NEK6: variants seen among roughly 807,000 people sequenced by gnomAD.
NEK6 encodes serine/threonine-protein kinase Nek6.
Under a neutral mutation model 43.5 loss-of-function variants are expected in NEK6, and 27 were observed. The ratio of observed to expected loss-of-function variants is 0.62; its 90% CI spans 0.46 to 0.86. NEK6 has a LOEUF of 0.86. Ranked by LOEUF, NEK6 falls within the 40% of genes least tolerant of loss-of-function variation. The pLI is 0.00. For missense variants in NEK6, 318 were observed against 414.4 expected (o/e 0.77, Z 2.02); for synonymous variants, 167 against 164.1 (o/e 1.02, Z -0.14).
At chr9:124,292,658 C>T (rs904584058) in intron 1 of NEK6, 7 of 1,373,606 alleles carry the variant, frequency 5.1e-6, no homozygotes, top group Non-Finnish European at 6.9e-6. Context: ...CATCCCTTCC[C>T]TTAAGCCCCA....
At position 124,347,832 on chromosome 9, in the gene NEK6, C is replaced by T; in HGVS notation, c.831+10C>T. The stretch of plus-strand genomic sequence containing the variant: ...GCACTACTCCGAGAAGGTGAGTTTG[C>T]AGGAGCCGGAGGCCTCGCCAGCCCC... On this transcript the variant is annotated intron_variant, in intron 9 of 9. Coordinates refer to ENST00000320246, the MANE Select transcript of NEK6 (RefSeq NM_014397.6). The T allele has an allele frequency of 1.9e-6, 3 of 1,585,452 alleles. No homozygotes were observed. Among genetic ancestry groups the T allele is most frequent in the Non-Finnish European group, 2.6e-6 (3 of 1,155,976 alleles).
chr9:124,272,089 A>G (rs1831462128), intron 1 of NEK6, among the ~76,000 whole-genome samples: 1 of 152,206 alleles, frequency 6.6e-6, no homozygotes, highest in South Asian at 2.1e-4. Flanking sequence ...GTAAGGGTGT[A>G]TAGTCCTCAG....
At chr9:124,320,169 T>C (rs1833996493) in intron 4 of NEK6, among the ~76,000 whole-genome samples, 1 of 152,152 alleles carries the variant, frequency 6.6e-6, no homozygotes, top group African/African-American at 2.4e-5. Flanking sequence ...CACACCCACC[T>C]CAGGGCCAGA....
At chr9:124,327,832 T>C (rs1828738679) in intron 7 of NEK6, among the ~76,000 whole-genome samples, 1 of 152,176 alleles carries the variant, frequency 6.6e-6, no homozygotes, top group Non-Finnish European at 1.5e-5. Context: ...GTTTCTGGCT[T>C]TTAAACTGGC....
Position 124,258,088 on chromosome 9 carries a change from G to A in NEK6, c.-30+3G>A, listed in dbSNP as rs1244249935. The A allele has an allele frequency of 2.0e-5, 20 of 979,216 alleles. No homozygotes were observed. The highest frequency in any genetic ancestry group is 2.2e-5 in the Non-Finnish European group (18 of 827,596). 60.7% of individuals were successfully genotyped at this position (979,216 alleles called of 1,614,324 possible). A position where few individuals can be genotyped will look rare whatever the true frequency, so the allele number is the denominator to read the frequency against. On this transcript the variant is annotated splice_donor_region_variant and intron_variant, in intron 1 of 9. Transcript: ENST00000320246. ...CAGCCGAGCCCGCCCGCGCGCCGGT[G>A]AGTCGCCTGGGGCTGGGGCCGGGCC...
chr9:124,295,302 C>T (rs944731255), intron 1 of NEK6, among the ~76,000 whole-genome samples: 7 of 152,228 alleles, frequency 4.6e-5, no homozygotes, highest in Admixed American at 3.3e-4. Context: ...GGAAACCAGA[C>T]TCCATCTGTG....
intron 1 of NEK6, among the ~76,000 whole-genome samples, chr9:124,270,431 A>C (rs1831393451): frequency 6.6e-6 from 1 of 152,206 alleles, no homozygotes; most frequent in South Asian, 2.1e-4. Flanking sequence ...GGGAAGGGTC[A>C]GAAGTCCATG....
chr9:124,346,944 G>C (rs1465153714), intron 8 of NEK6, among the ~76,000 whole-genome samples: 2 of 152,216 alleles, frequency 1.3e-5, no homozygotes, highest in Non-Finnish European at 2.9e-5. Flanking sequence ...CCCAAGCCTC[G>C]CCACAGGCCT....
chr9:124,303,472 A>C (rs1833098510), intron 2 of NEK6, among the ~76,000 whole-genome samples: 2 of 152,208 alleles, frequency 1.3e-5, no homozygotes, highest in Admixed American at 1.3e-4. Context: ...CTGTGCTTGC[A>C]TTATCACCAA....
Position 124,289,655 on chromosome 9 carries a change from C to T in NEK6, c.-29-12281C>T, listed in dbSNP as rs184537797. Among the ~76,000 whole-genome samples the T allele has an allele frequency of 2.1e-3, 316 of 152,256 alleles. 2 individuals are homozygous for T. Among genetic ancestry groups the T allele is most frequent in the Non-Finnish European group, 3.2e-3 (217 of 68,018 alleles). ...ACAAATTCCCTTAGCAATTCCAGAC[C>T]GAAAAGATCTGGTTTTCTAGTGCCC... On this transcript the variant is annotated intron_variant, in intron 1 of 9. Transcript: ENST00000320246.
At chr9:124,339,485 C>T (rs1004676196) in intron 7 of NEK6, 86 bp from the exon 8 acceptor site, 21 of 897,466 alleles carry the variant, frequency 2.3e-5, no homozygotes, top group Admixed American at 5.2e-5. Flanking sequence ...CCCCAGCTCC[C>T]GTGTGCCCTC....
chr9:124,309,291 C>T (rs1019675249), intron 2 of NEK6, among the ~76,000 whole-genome samples: 3 of 152,338 alleles, frequency 2.0e-5, no homozygotes, highest in East Asian at 1.9e-4. Flanking sequence ...CATCCATATG[C>T]GTGTGAGCAG....
At chr9:124,288,139 C>G (rs927158003) in intron 1 of NEK6, among the ~76,000 whole-genome samples, 1 of 152,234 alleles carries the variant, frequency 6.6e-6, no homozygotes, top group Non-Finnish European at 1.5e-5. Context: ...GGCCCAAAGG[C>G]CTGGTGTCCA....
At chr9:124,272,441 G>C (rs937650024) in intron 1 of NEK6, among the ~76,000 whole-genome samples, 4 of 152,252 alleles carry the variant, frequency 2.6e-5, no homozygotes, top group Non-Finnish European at 5.9e-5. Context: ...AGGTAGCTGG[G>C]ACAGCGTGGT....
At chr9:124,333,667 T>G (rs1269044601) in intron 7 of NEK6, among the ~76,000 whole-genome samples, 1 of 152,148 alleles carries the variant, frequency 6.6e-6, no homozygotes, top group African/African-American at 2.4e-5. Context: ...AGGGTCCAGG[T>G]TCCACCCCTG....
intron 1 of NEK6, among the ~76,000 whole-genome samples, chr9:124,264,814 C>CAAAAAAAAA (rs372219790): frequency 1.1e-5 from 1 of 88,700 alleles, no homozygotes; most frequent in Non-Finnish European, 2.2e-5. Context: ...GACTCTGTAT[C>CAAAAAAAAA]AAAAAAAAAA....
intron 5 of NEK6, among the ~76,000 whole-genome samples, chr9:124,321,845 G>A (rs1362959978): frequency 1.3e-5 from 2 of 152,216 alleles, no homozygotes; most frequent in African/African-American, 2.4e-5. Context: ...AAAGCAAGGC[G>A]AAGGTGGTGC....
intron 8 of NEK6, among the ~76,000 whole-genome samples, chr9:124,344,236 C>T (rs1279849164): frequency 3.3e-5 from 5 of 152,280 alleles, no homozygotes; most frequent in Middle Eastern, 6.8e-3. Context: ...CAGGAGCCAA[C>T]ATTTCATCAC....
chr9:124,342,555 C>G (rs530448697), intron 8 of NEK6, among the ~76,000 whole-genome samples: 1 of 152,344 alleles, frequency 6.6e-6, no homozygotes. Context: ...GGCCCTCGGG[C>G]CTGTCCACCA....
Sources: allele counts gnomAD v4.1 joint callset (sites outside exome capture counted in the v4.1 genomes callset), GRCh38; gene constraint gnomAD v4.1.1; transcripts MANE v1.5; gene names NCBI Gene and HGNC (gene_info 2026-07-23, HGNC 2026-07-21).